The following CDKAL1 variants were observed in gnomAD, a reference collection of about 807,000 sequenced individuals.
The protein encoded by CDKAL1 is CDKAL1 threonylcarbamoyladenosine tRNA methylthiotransferase.
Under a neutral mutation model 68.2 loss-of-function variants are expected in CDKAL1, and 32 were observed. The ratio of observed to expected loss-of-function variants is 0.47; its 90% confidence interval spans 0.35 to 0.63. The LOEUF (loss-of-function observed/expected upper bound fraction) is 0.63. CDKAL1 is among the 30% of genes least tolerant of loss of function. CDKAL1 has a pLI of 0.00. For synonymous variants in CDKAL1, 234 were observed against 244.3 expected (o/e 0.96, Z 0.39); for missense variants, 606 against 696.7 (o/e 0.87, Z 1.47).
chr6:20,628,663 G>GA (rs11369825), intron 4 of CDKAL1, among the ~76,000 whole-genome samples: 127,743 of 149,156 alleles, frequency 0.86, 54,623 homozygotes, highest in Middle Eastern at 0.93. Context: ...TACTTTCAGG[G>GA]AAAAAAAAAA....
chr6:20,623,385 A>G (rs752948534), intron 4 of CDKAL1, among the ~76,000 whole-genome samples: 8 of 152,112 alleles, frequency 5.3e-5, no homozygotes, highest in Admixed American at 1.3e-4. Flanking sequence ...AGGATATGAC[A>G]TTATTATATA....
chr6:21,089,448 G>T (rs568282727), intron 12 of CDKAL1, among the ~76,000 whole-genome samples: 2 of 152,248 alleles, frequency 1.3e-5, no homozygotes, highest in South Asian at 2.1e-4. Context: ...CTACATTCCA[G>T]CCTGGGTAAC....
intron 11 of CDKAL1, among the ~76,000 whole-genome samples, chr6:21,012,008 G>A (rs1484943700): frequency 6.6e-6 from 1 of 152,200 alleles, no homozygotes; most frequent in Non-Finnish European, 1.5e-5. Context: ...AACTCTGTAA[G>A]GCTCCAGCAT....
At chr6:21,039,769 A>G (rs1344673164) in intron 11 of CDKAL1, among the ~76,000 whole-genome samples, 1 of 152,242 alleles carries the variant, frequency 6.6e-6, no homozygotes, top group Non-Finnish European at 1.5e-5. Flanking sequence ...GCAAAGTATG[A>G]TTGAAACATG....
At chr6:20,870,638 CTG>C (rs1266264419) in intron 9 of CDKAL1, among the ~76,000 whole-genome samples, 2 of 152,178 alleles carry the variant, frequency 1.3e-5, no homozygotes, top group Non-Finnish European at 2.9e-5. Context: ...GCTCTGTCAT[CTG>C]TTTCTTTACA....
intron 7 of CDKAL1, among the ~76,000 whole-genome samples, chr6:20,762,776 G>C (rs931673875): frequency 2.6e-5 from 4 of 152,150 alleles, no homozygotes; most frequent in African/African-American, 9.7e-5. Flanking sequence ...TAATCTAACT[G>C]ATCTTTGCCA....
At chr6:20,987,011 C>T (rs949948152) in intron 10 of CDKAL1, among the ~76,000 whole-genome samples, 13 of 152,128 alleles carry the variant, frequency 8.5e-5, no homozygotes, top group African/African-American at 3.1e-4. Context: ...TTGACCTTTC[C>T]CATGATTGGC....
At chr6:21,138,951 C>T (rs1775760242) in intron 13 of CDKAL1, among the ~76,000 whole-genome samples, 1 of 152,224 alleles carries the variant, frequency 6.6e-6, no homozygotes, top group Non-Finnish European at 1.5e-5. Context: ...CGACCTCGCA[C>T]TGTCTCCAGT....
chr6:20,942,369 T>TAC (rs1764014484), intron 9 of CDKAL1, among the ~76,000 whole-genome samples: 8 of 2,198 alleles, frequency 3.6e-3, no homozygotes, highest in African/African-American at 8.0e-3. Flanking sequence ...ATATATACTT[T>TAC]TTTTTTTTTT....
At chr6:20,634,831 G>T (rs908598334) in intron 4 of CDKAL1, among the ~76,000 whole-genome samples, 40 of 152,142 alleles carry the variant, frequency 2.6e-4, no homozygotes, top group African/African-American at 9.6e-4. Context: ...TACAAAATTA[G>T]CCAGGTATGG....
chr6:20,951,347 T>G (rs924793955), intron 9 of CDKAL1, among the ~76,000 whole-genome samples: 2 of 152,186 alleles, frequency 1.3e-5, no homozygotes. Context: ...GAAATTGAAT[T>G]TTGGCAAAGT....
chr6:20,886,941 G>A (rs1416276891), intron 9 of CDKAL1, among the ~76,000 whole-genome samples: 2 of 152,118 alleles, frequency 1.3e-5, no homozygotes, highest in Middle Eastern at 3.2e-3. Flanking sequence ...TTTGGTAAAG[G>A]GTTGATATCC....
intron 2 of CDKAL1, among the ~76,000 whole-genome samples, chr6:20,538,517 A>G (rs1476166942): frequency 1.3e-5 from 2 of 152,170 alleles, no homozygotes; most frequent in Non-Finnish European, 2.9e-5. Flanking sequence ...CTCTAATGAT[A>G]TGGGATGTCT....
intron 10 of CDKAL1, among the ~76,000 whole-genome samples, chr6:20,962,999 C>T (rs1581921933): frequency 6.6e-6 from 1 of 152,122 alleles, no homozygotes; most frequent in East Asian, 1.9e-4. Context: ...AAGTTTGTGT[C>T]TTTCTGAATA....
At chr6:20,864,016 A>G (rs1360085737) in intron 9 of CDKAL1, among the ~76,000 whole-genome samples, 1 of 152,172 alleles carries the variant, frequency 6.6e-6, no homozygotes, top group African/African-American at 2.4e-5. Flanking sequence ...TAAAAAAAGG[A>G]GGAGAGGTTA....
At chr6:20,833,319 C>G (rs996010835) in intron 8 of CDKAL1, among the ~76,000 whole-genome samples, 1 of 152,182 alleles carries the variant, frequency 6.6e-6, no homozygotes, top group African/African-American at 2.4e-5. Context: ...GCAACATGCA[C>G]TGTAGTTCGC....
intron 9 of CDKAL1, among the ~76,000 whole-genome samples, chr6:20,915,052 G>T (rs184071261): frequency 4.1e-4 from 62 of 151,748 alleles, no homozygotes; most frequent in South Asian, 8.3e-4. Flanking sequence ...CGTATTTACT[G>T]ATTCTCCATT....
intron 11 of CDKAL1, among the ~76,000 whole-genome samples, chr6:21,042,899 C>T (rs1217474765): frequency 1.3e-5 from 2 of 152,112 alleles, no homozygotes; most frequent in Non-Finnish European, 2.9e-5. Context: ...TTCTTTCTAC[C>T]TGAACGCCTC....
At chr6:20,677,900 A>G (rs1454382214) in intron 5 of CDKAL1, among the ~76,000 whole-genome samples, 2 of 152,152 alleles carry the variant, frequency 1.3e-5, no homozygotes, top group Non-Finnish European at 2.9e-5. Context: ...AAAGCTGCTT[A>G]AATTTTTTTA....
Sources: allele counts gnomAD v4.1 joint callset (sites outside exome capture counted in the v4.1 genomes callset), GRCh38; gene constraint gnomAD v4.1.1; transcripts MANE v1.5; gene names NCBI Gene and HGNC (gene_info 2026-07-23, HGNC 2026-07-21).